Variants in TCP11L2 observed in about 807,000 individuals in gnomAD.
TCP11L2 encodes the protein t-complex 11 like 2.
A neutral mutation model predicts 50.7 loss-of-function variants in TCP11L2; 39 were observed. The observed-to-expected ratio is 0.77, with a 90% CI of 0.60 to 1.01. TCP11L2 has a LOEUF of 1.01. Ranked by LOEUF, TCP11L2 falls within the 50% of genes least tolerant of loss-of-function variation. The pLI, the probability that TCP11L2 is intolerant of heterozygous loss-of-function variation, is 0.00. For missense variants in TCP11L2, 612 were observed against 614.7 expected (o/e 1.00, Z 0.05); for synonymous variants, 192 against 219.3 (o/e 0.88, Z 1.10).
chr12:106,310,710 C>T (rs967944859), intron 1 of TCP11L2, among the ~76,000 whole-genome samples: 5 of 152,224 alleles, frequency 3.3e-5, no homozygotes, highest in Non-Finnish European at 7.3e-5. Context: ...ACACTCCCGC[C>T]TTCTCATGTT....
rs1472169592 is a variant in TCP11L2 at position 106,321,651 on chromosome 12, C to T, written c.580C>T (p.Arg194Ter). 38 of 1,614,002 alleles carry T rather than the reference C, an allele frequency of 2.4e-5. No homozygotes were observed. The highest frequency in any genetic ancestry group is 4.5e-5 in the East Asian group (2 of 44,876). Residue 194 changes from arginine to a stop codon, truncating the protein, a stop_gained, in exon 5 of 10, where the codon CGA becomes TGA. Transcript: ENST00000299045. LOFTEE classifies it high-confidence loss of function. ...STMGKLCAPVRDNDIRELKAT... is the reference protein window; with the variant it reads ...STMGKLCAPV Reference sequence around the variant, plus strand: ...GATGGGAAAGCTGTGTGCTCCCGTGCGAGATAATGATATCAGAGAGTTAAA... The same window carrying T: ...GATGGGAAAGCTGTGTGCTCCCGTGTGAGATAATGATATCAGAGAGTTAAA...
At chr12:106,317,515 C>T (rs2035137988) in intron 3 of TCP11L2, among the ~76,000 whole-genome samples, 1 of 151,908 alleles carries the variant, frequency 6.6e-6, no homozygotes, top group Admixed American at 6.6e-5. Flanking sequence ...GACTCTGTCT[C>T]AGAAAAAAAG....
At chr12:106,332,257 G>A (rs1010766999) in intron 6 of TCP11L2, among the ~76,000 whole-genome samples, 1 of 152,208 alleles carries the variant, frequency 6.6e-6, no homozygotes, top group Non-Finnish European at 1.5e-5. Flanking sequence ...TCATTAGGCA[G>A]TTTCTTATTA....
chr12:106,309,361 G>A (rs996577559), intron 1 of TCP11L2, among the ~76,000 whole-genome samples: 5 of 152,058 alleles, frequency 3.3e-5, no homozygotes, highest in African/African-American at 1.2e-4. Context: ...TGGGATTCTG[G>A]GATAAGGTGA....
At chr12:106,331,303 A>C (rs2035738488) in intron 6 of TCP11L2, among the ~76,000 whole-genome samples, 1 of 151,276 alleles carries the variant, frequency 6.6e-6, no homozygotes, top group African/African-American at 2.4e-5. Context: ...TCAAGCTAGC[A>C]CGCTAACTGG....
intron 2 of TCP11L2, chr12:106,312,256 C>CTTTTTTTTT (rs1565839680): frequency 3.2e-6 from 1 of 310,264 alleles, no homozygotes. Flanking sequence ...ATTTAGTTTC[C>CTTTTTTTTT]ATTTTTTTTT....
At chr12:106,335,162 C>A (rs75660445) in intron 6 of TCP11L2, among the ~76,000 whole-genome samples, 1,810 of 152,248 alleles carry the variant, frequency 0.012, 30 homozygotes, top group East Asian at 0.048. Context: ...TCTATTTTCT[C>A]TTCAGATTGT....
At chr12:106,321,231 T>C (rs955762163) in intron 4 of TCP11L2, among the ~76,000 whole-genome samples, 3 of 152,236 alleles carry the variant, frequency 2.0e-5, no homozygotes, top group Non-Finnish European at 4.4e-5. Context: ...CTTGCTTCCT[T>C]GCTAGCTGTT....
At chr12:106,303,781 A>G (rs2034518130) in intron 1 of TCP11L2, 1 of 152,242 alleles carries the variant, frequency 6.6e-6, no homozygotes, top group African/African-American at 2.4e-5. Context: ...ATATATTTAA[A>G]TGCAAAAATC....
At position 106,321,474 on chromosome 12, in the gene TCP11L2, C is replaced by T. The variant is rs371083476; in HGVS notation, c.415-12C>T. Reference sequence around the variant, plus strand: ...ATCATGATGCTGTTAATTTTTATTTCTTTCCCTGTAGATTCTTCTCTCTTT... The same window carrying T: ...ATCATGATGCTGTTAATTTTTATTTTTTTCCCTGTAGATTCTTCTCTCTTT... On this transcript the variant is annotated splice_polypyrimidine_tract_variant and intron_variant, in intron 4 of 9. Transcript: ENST00000299045. 1.2e-6 allele frequency: 2 copies of T among 1,600,264 alleles called. No homozygotes were observed. Among genetic ancestry groups the T allele is most frequent in the African/African-American group, 1.3e-5 (1 of 74,726 alleles).
chr12:106,318,239 T>C, intron 3 of TCP11L2, 105 bp from the exon 4 acceptor site: 1 of 1,325,414 alleles, frequency 7.5e-7, no homozygotes, highest in Non-Finnish European at 1.0e-6. Flanking sequence ...ACAATTATTC[T>C]GTGTTTTTTT....
chr12:106,336,545 CA>C (rs1344961294), intron 8 of TCP11L2, among the ~76,000 whole-genome samples: 25 of 137,142 alleles, frequency 1.8e-4, no homozygotes, highest in Admixed American at 3.3e-4. Flanking sequence ...TAGAATTGCG[CA>C]ATTTTTTTTT....
chr12:106,323,538 C>G lies in TCP11L2; in HGVS notation c.664C>G (p.Gln222Glu), dbSNP rs149344079. Reference protein sequence around the residue: ...RQIFHVLDLMQMDMANFTIMS... With the variant: ...RQIFHVLDLMEMDMANFTIMS... ...AATATTCCATGTCCTGGACCTCATG[C>G]AAATGGACATGGCCAATTTTACAAT... The change falls in exon 6 of 10, where the codon CAA becomes GAA. Residue 222 changes from glutamine (Q) to glutamate (E), a missense_variant. By Grantham distance (29) the Gln-to-Glu change is conservative (BLOSUM62 2). Transcript: ENST00000299045. 5.0e-6 allele frequency: 8 copies of G among 1,607,036 alleles called. No individual in the cohort carries two copies. The African/African-American group carries it at 1.1e-4, about 22-fold the overall frequency.
In TCP11L2 at chr12:106,318,536, C is replaced by T. The variant is rs975925612; in HGVS notation, c.414+72C>T. ...GGCTGCTATAACAGACTGGCATAGC[C>T]TGGGTGGCTTATAAACAATAGAAAT... is the stretch of plus-strand genomic sequence containing the variant. On this transcript the variant is annotated intron_variant, in intron 4 of 9. Coordinates refer to ENST00000299045, the MANE Select transcript of TCP11L2 (RefSeq NM_152772.3). 30 of 1,574,338 alleles carry T rather than the reference C, an allele frequency of 1.9e-5. No homozygotes were observed. The Admixed American group carries it at 2.1e-4, about 11-fold the overall frequency.
At chr12:106,305,339 ATTG>A (rs1055315013) in intron 1 of TCP11L2, among the ~76,000 whole-genome samples, 10 of 152,090 alleles carry the variant, frequency 6.6e-5, no homozygotes, top group Non-Finnish European at 1.3e-4. Flanking sequence ...GTTAGCTGTA[ATTG>A]TTGTTATTTG....
chr12:106,314,572 TGTGTGAGAGA>T lies in TCP11L2; in HGVS notation c.293+81_293+90del, dbSNP rs766966845. 5.2e-3 allele frequency: 4,339 copies of T among 840,398 alleles called. 75 individuals are homozygous for T. In the African/African-American group the frequency reaches 0.071, roughly 14 times the overall value. The allele number at this position is 840,398 out of a possible 1,614,324, so 52.1% of individuals were successfully genotyped here. On this transcript the variant is annotated intron_variant, in intron 3 of 9. Transcript: ENST00000299045. ...GTGTGTGTGTGTGTGTGTGTGTGTG[TGTGTGAGAGA>T]GAGAGAGAGAGAGAGAGAGACAGAG...
In TCP11L2 at chr12:106,321,508, C is replaced by G; in HGVS notation, c.437C>G (p.Pro146Arg). 2 of 1,613,950 alleles carry G rather than the reference C, an allele frequency of 1.2e-6. No individual in the cohort carries two copies. Among genetic ancestry groups the G allele is most frequent in the Non-Finnish European group, 1.7e-6 (2 of 1,179,940 alleles). Reference sequence around the variant, plus strand: ...TAGATTCTTCTCTCTTTTCTCACTCCCGGTGGCAACCGGCTTCGCAACCAA... The same window carrying G: ...TAGATTCTTCTCTCTTTTCTCACTCGCGGTGGCAACCGGCTTCGCAACCAA... ...IREILLSFLT[P>R]GGNRLRNQIC... The change falls in exon 5 of 10, where the codon CCC (proline) becomes CGC (arginine). Residue 146 changes from proline (P) to arginine (R), a missense_variant. Transcript: ENST00000299045.
upstream of TCP11L2, among the ~76,000 whole-genome samples, chr12:106,300,886 G>C (rs2034397030): frequency 6.6e-6 from 1 of 152,176 alleles, no homozygotes. Flanking sequence ...GGTCACTCCA[G>C]TATAAAGGAC....
intron 4 of TCP11L2, among the ~76,000 whole-genome samples, chr12:106,320,972 T>G (rs1013040784): frequency 6.6e-6 from 1 of 152,230 alleles, no homozygotes; most frequent in Non-Finnish European, 1.5e-5. Context: ...TTATCTTGTT[T>G]TTATTAATTT....
Sources: gnomAD v4.1 joint callset for allele counts (sites outside exome capture counted in the v4.1 genomes callset) on GRCh38, gnomAD v4.1.1 for gene constraint, MANE v1.5 for transcripts, NCBI Gene and HGNC (gene_info 2026-07-23, HGNC 2026-07-21) for gene names.